The following LRRC71 variants were observed in gnomAD, a reference collection of about 807,000 sequenced individuals.
LRRC71 encodes leucine-rich repeat-containing protein 71.
A neutral mutation model predicts 66.6 loss-of-function variants in LRRC71; 54 were observed. That is an observed-to-expected ratio of 0.81 (90% confidence interval 0.65 to 1.02). The LOEUF is 1.02. Among genes scored for constraint, LRRC71 ranks in the 50% least tolerant of loss-of-function variants. LRRC71 has a pLI of 0.00. For missense variants in LRRC71, 724 were observed against 718.0 expected (o/e 1.01, Z -0.10); for synonymous variants, 323 against 303.9 (o/e 1.06, Z -0.65).
chr1:156,926,773 A>C (rs1483781051), intron 5 of LRRC71, among the ~76,000 whole-genome samples: 1 of 151,902 alleles, frequency 6.6e-6, no homozygotes, highest in East Asian at 1.9e-4. Flanking sequence ...ACGGGGTTTC[A>C]CCCTGTTGCC....
chr1:156,923,809 C>T (rs1652756900), intron 1 of LRRC71, 140 bp from the exon 2 acceptor site: 2 of 856,308 alleles, frequency 2.3e-6, no homozygotes, highest in African/African-American at 1.8e-5. Context: ...GTGTTTTCAG[C>T]GTCCGTACTT....
intron 5 of LRRC71, among the ~76,000 whole-genome samples, chr1:156,926,563 C>T (rs1653229512): frequency 7.3e-6 from 1 of 137,112 alleles, no homozygotes; most frequent in Non-Finnish European, 1.6e-5. Flanking sequence ...TTTCCCTCCA[C>T]CCCACCCCCC....
the LRRC71 span, chr1:156,940,270 T>C: frequency 6.2e-7 from 1 of 1,612,414 alleles, no homozygotes; most frequent in Non-Finnish European, 8.5e-7. Context: ...GCCAAGTGGA[T>C]GGGGTTCCTT....
At chr1:156,939,837 C>G in the LRRC71 span, 2 of 1,612,864 alleles carry the variant, frequency 1.2e-6, no homozygotes, top group Non-Finnish European at 1.7e-6. Context: ...CGTCCTCGGG[C>G]TCCTGGGCAG....
rs1432397150 is a variant in LRRC71, at chr1:156,930,634, A to C, written c.1329+17A>C. On this transcript the variant is annotated intron_variant, in intron 12 of 14. Coordinates refer to ENST00000337428, the MANE Select transcript of LRRC71 (RefSeq NM_144702.3). Reference sequence around the variant, plus strand: ...GAGTCCGAGGTAAGTTGCCAGGAGGAGTGGAGGCAGGGGGCACACCCCTGG... The same window carrying C: ...GAGTCCGAGGTAAGTTGCCAGGAGGCGTGGAGGCAGGGGGCACACCCCTGG... 6.4e-7 allele frequency: 1 copy of C among 1,552,492 alleles called. No homozygotes were observed.
At chr1:156,927,870 C>G in intron 8 of LRRC71, 45 bp from the exon 9 acceptor site, 1 of 1,610,856 alleles carries the variant, frequency 6.2e-7, no homozygotes, top group African/African-American at 1.3e-5. Context: ...GGGAGCCGAC[C>G]CTGACTACCC....
chr1:156,934,342 G>A (rs961237998), downstream of LRRC71, among the ~76,000 whole-genome samples: 1 of 152,126 alleles, frequency 6.6e-6, no homozygotes. Flanking sequence ...GAGGTGAATG[G>A]TTACAGTCTT....
At chr1:156,929,595 C>T (rs751221629) in intron 10 of LRRC71, 41 bp from the exon 11 acceptor site, 29 of 1,554,750 alleles carry the variant, frequency 1.9e-5, no homozygotes, top group African/African-American at 9.6e-5. Context: ...CCATCCCCTC[C>T]GGAGGTGGGA....
chr1:156,927,451 C>T (rs1653378990), intron 6 of LRRC71, 45 bp from the exon 7 acceptor site: 1 of 1,522,784 alleles, frequency 6.6e-7, no homozygotes, highest in South Asian at 1.3e-5. Flanking sequence ...GGCGGACGCC[C>T]TGTACCTTTT....
At chr1:156,934,280 C>T (rs1472211239), downstream of LRRC71, among the ~76,000 whole-genome samples, 1 of 152,150 alleles carries the variant, frequency 6.6e-6, no homozygotes, top group Non-Finnish European at 1.5e-5. Flanking sequence ...CAGGGTTGGG[C>T]TGGAAGAGAC....
intron 2 of LRRC71, 134 bp downstream of exon 2, chr1:156,924,232 G>A (rs1652840177): frequency 8.1e-7 from 1 of 1,235,820 alleles, no homozygotes; most frequent in Non-Finnish European, 1.1e-6. Flanking sequence ...GACGAGGCCG[G>A]TGGGGAGGTG....
chr1:156,939,369 G>C, the LRRC71 span: 1 of 804,346 alleles, frequency 1.2e-6, no homozygotes. Context: ...TCTGAATCTC[G>C]AATGTCCAAC....
At chr1:156,924,159 C>G (rs2101600222) in intron 2 of LRRC71, 61 bp downstream of exon 2, 1 of 1,515,754 alleles carries the variant, frequency 6.6e-7, no homozygotes, top group Non-Finnish European at 8.9e-7. Context: ...CTCAGCCTCC[C>G]TTCCCACGCC....
downstream of LRRC71, chr1:156,935,420 G>A (rs979532190): frequency 1.3e-5 from 2 of 152,268 alleles, no homozygotes; most frequent in Admixed American, 1.3e-4. Flanking sequence ...GGAGATACAA[G>A]TGAAACCCCT....
chr1:156,939,270 G>T, the LRRC71 span: 2 of 451,696 alleles, frequency 4.4e-6, no homozygotes, highest in Non-Finnish European at 8.0e-6. Context: ...CAGGCAGAAA[G>T]AAATGTCCTT....
At chr1:156,923,903 G>A in intron 1 of LRRC71, 46 bp from the exon 2 acceptor site, 1 of 1,422,146 alleles carries the variant, frequency 7.0e-7, no homozygotes, top group Non-Finnish European at 9.2e-7. Flanking sequence ...TGGGGATGCG[G>A]GGGTGGGCGT....
rs1449686927 is a variant in LRRC71 at position 156,925,028 on chromosome 1, G to A, written c.593+13G>A. ...CATCCACGCTCAGGTCAGCAGACTGGGAGGCCCCCTGTGCCTGGGAAGCCT... is the reference window on the plus strand; with the variant it reads ...CATCCACGCTCAGGTCAGCAGACTGAGAGGCCCCCTGTGCCTGGGAAGCCT... On this transcript the variant is annotated intron_variant, in intron 5 of 14. Transcript: ENST00000337428. The A allele has an allele frequency of 3.9e-6, 6 of 1,551,420 alleles. No individual in the cohort carries two copies. The highest frequency in any genetic ancestry group is 1.4e-5 in the African/African-American group (1 of 73,030).
At position 156,929,709 on chromosome 1, in the gene LRRC71, C is replaced by T; in HGVS notation, c.1220C>T (p.Ala407Val). Residue 407 changes from alanine to valine, a missense_variant, in exon 11 of 15, where the codon GCC becomes GTC. Coordinates refer to ENST00000337428, the MANE Select transcript of LRRC71 (RefSeq NM_144702.3). The stretch of plus-strand genomic sequence containing the variant: ...CAAGGAACCCCTAAGAAGGAAGATG[C>T]CACAAAGGCAGGCAAGGGGAGTAAG... ...PTQGTPKKED[A>V]TKAGKGKVTI... 1.3e-6 allele frequency: 2 copies of T among 1,570,852 alleles called. No homozygotes were observed. Among genetic ancestry groups the T allele is most frequent in the Admixed American group, 1.9e-5 (1 of 53,452 alleles).
chr1:156,928,396 T>C (rs866457039), intron 9 of LRRC71, among the ~76,000 whole-genome samples: 1 of 140,064 alleles, frequency 7.1e-6, no homozygotes, highest in Non-Finnish European at 1.5e-5. Context: ...CTTCTTCTTC[T>C]TCTTCTTCTT....
Sources: gnomAD v4.1 joint callset for allele counts (sites outside exome capture counted in the v4.1 genomes callset) on GRCh38, gnomAD v4.1.1 for gene constraint, MANE v1.5 for transcripts, NCBI Gene and HGNC (gene_info 2026-07-23, HGNC 2026-07-21) for gene names.